Variants in ITPKB observed in about 807,000 individuals in gnomAD.
ITPKB encodes IP3 3-kinase B.
A neutral mutation model predicts 69.4 loss-of-function variants in ITPKB; 13 were observed. The observed-to-expected ratio is 0.19, with a 90% CI of 0.12 to 0.30. The LOEUF (loss-of-function observed/expected upper bound fraction) is 0.30. ITPKB is among the 10% of genes least tolerant of loss of function. The probability of loss-of-function intolerance (pLI) is 1.00; values close to 1 mark genes in which losing one functional copy is unlikely to be tolerated. For missense variants in ITPKB, 1,240 were observed against 1,250.5 expected, an observed-to-expected ratio of 0.99 and a Z score of 0.13; for synonymous variants, 584 against 513.7, an observed-to-expected ratio of 1.14 and a Z score of -1.85.
intron 4 of ITPKB, among the ~76,000 whole-genome samples, chr1:226,646,071 A>G (rs1571837322): frequency 6.6e-6 from 1 of 152,020 alleles, no homozygotes; most frequent in Admixed American, 6.6e-5. Context: ...CTCTTTCTCA[A>G]TCTGCTCTTA....
intron 2 of ITPKB, among the ~76,000 whole-genome samples, chr1:226,715,787 A>G (rs1397153634): frequency 6.6e-6 from 1 of 152,194 alleles, no homozygotes; most frequent in Non-Finnish European, 1.5e-5. Context: ...CCTGATTCAC[A>G]CTGTAATACT....
chr1:226,663,892 A>G (rs1669446322), intron 2 of ITPKB, among the ~76,000 whole-genome samples: 2 of 152,178 alleles, frequency 1.3e-5, no homozygotes, highest in African/African-American at 4.8e-5. Flanking sequence ...TACAGACAGC[A>G]TGGGTTTTCA....
At chr1:226,733,051 C>T (rs1657640153) in intron 2 of ITPKB, among the ~76,000 whole-genome samples, 1 of 152,050 alleles carries the variant, frequency 6.6e-6, no homozygotes, top group Non-Finnish European at 1.5e-5. Context: ...GTCTGAGGGC[C>T]AGGGGTTGGT....
chr1:226,642,102 G>C lies in ITPKB; in HGVS notation c.2270C>G (p.Thr757Arg), dbSNP rs771586213. 1 of 1,613,718 alleles carries C rather than the reference G, an allele frequency of 6.2e-7. No homozygotes were observed. Among genetic ancestry groups the C allele is most frequent in the African/African-American group, 1.3e-5 (1 of 74,922 alleles). Reference protein sequence around the residue: ...GIRTYLEEELTKARKKPSLRK... With the variant: ...GIRTYLEEELRKARKKPSLRK... ...CAGGCTGGGCTTCTTCCGGGCCTTC[G>C]TGAGCTCCTCCTCCAGGTAGGTCCT... The change falls in exon 5 of 8, where the codon ACG becomes AGG. Residue 757 changes from threonine (T) to arginine (R), a missense_variant. Around this residue, in one of 2 missense-constraint regions of ITPKB, gnomAD observed 248 missense variants for 396.7 expected, o/e 0.63. Coordinates refer to ENST00000429204, the MANE Select transcript of ITPKB (RefSeq NM_002221.4). This position sits in a 1 kb window ranked among gnomAD's most constrained non-coding sequence, Gnocchi z 6.4.
At chr1:226,704,430 T>G (rs755087987) in intron 2 of ITPKB, among the ~76,000 whole-genome samples, 5 of 152,188 alleles carry the variant, frequency 3.3e-5, no homozygotes, top group African/African-American at 4.8e-5. Context: ...TAAAAAAGCT[T>G]CTCGTGTGTG....
At chr1:226,722,815 T>C (rs1166533014) in intron 2 of ITPKB, among the ~76,000 whole-genome samples, 1 of 152,112 alleles carries the variant, frequency 6.6e-6, no homozygotes, top group Non-Finnish European at 1.5e-5. Context: ...AACTGCACAT[T>C]CAGAGCCTGG....
chr1:226,686,038 G>C (rs959391907), intron 2 of ITPKB, among the ~76,000 whole-genome samples: 1 of 152,190 alleles, frequency 6.6e-6, no homozygotes, highest in Non-Finnish European at 1.5e-5. Context: ...GCAACCCCAG[G>C]TTAACAAGGC....
chr1:226,721,110 G>A (rs149956101), intron 2 of ITPKB, among the ~76,000 whole-genome samples: 2 of 151,668 alleles, frequency 1.3e-5, no homozygotes, highest in Non-Finnish European at 1.5e-5. Context: ...TTGGGAGGCC[G>A]AGGTGGGTGG....
At chr1:226,718,163 G>A (rs569497195) in intron 2 of ITPKB, among the ~76,000 whole-genome samples, 6 of 152,042 alleles carry the variant, frequency 3.9e-5, no homozygotes, top group Admixed American at 2.6e-4. Context: ...GTGTGGTGGC[G>A]GGCACCTGTA....
At position 226,738,428 on chromosome 1, in the gene ITPKB, C is replaced by T. The variant is rs1257089144; in HGVS notation, c.-206+613G>A. On this transcript the variant is annotated intron_variant, in intron 1 of 7. Transcript: ENST00000429204. This position sits in a 1 kb window ranked among gnomAD's most constrained non-coding sequence, Gnocchi z 4.2. Reference sequence around the variant, plus strand: ...TCTTTACCGGAACCAGTACTTGCTGCCCCCCTGCCGTCGTCCCCTATGGGG... The same window carrying T: ...TCTTTACCGGAACCAGTACTTGCTGTCCCCCTGCCGTCGTCCCCTATGGGG... Among the ~76,000 whole-genome samples, 1 of 151,584 alleles carries T rather than the reference C, an allele frequency of 6.6e-6. No individual in the cohort carries two copies. Among genetic ancestry groups the T allele is most frequent in the Non-Finnish European group, 1.5e-5 (1 of 67,782 alleles).
chr1:226,663,735 G>T (rs549944197), intron 2 of ITPKB, among the ~76,000 whole-genome samples: 1 of 152,254 alleles, frequency 6.6e-6, no homozygotes, highest in African/African-American at 2.4e-5. Flanking sequence ...TGCCCAGGCT[G>T]GTCTTGAAGT....
rs1656644938 is a variant in ITPKB, at chr1:226,701,661, TA to T, written c.1932+33865del. 2.7e-5 allele frequency among the ~76,000 whole-genome samples: 4 copies of T among 148,056 alleles called. No individual in the cohort carries two copies. In the South Asian group the frequency reaches 8.6e-4, roughly 32 times the overall value. On this transcript the variant is annotated intron_variant, in intron 2 of 7. Coordinates refer to ENST00000429204, the MANE Select transcript of ITPKB (RefSeq NM_002221.4). ...ACTTTACCCATTTTCTCCAAGGACT[TA>T]ATCTCTTAAGCTCCACAGAGCCATG... is the stretch of plus-strand genomic sequence containing the variant.
chr1:226,712,891 A>G (rs1657004852), intron 2 of ITPKB, among the ~76,000 whole-genome samples: 1 of 152,096 alleles, frequency 6.6e-6, no homozygotes, highest in Non-Finnish European at 1.5e-5. Context: ...TCAGCAAACC[A>G]CAGGATGGTC....
intron 2 of ITPKB, among the ~76,000 whole-genome samples, chr1:226,701,532 A>G (rs1351241674): frequency 7.6e-6 from 1 of 131,360 alleles, no homozygotes; most frequent in Non-Finnish European, 1.6e-5. Context: ...TGAACCCAAG[A>G]GGCGGAGCTT....
chr1:226,736,313 C>T lies in ITPKB; in HGVS notation c.1146G>A (p.Pro382=). 1.9e-6 allele frequency: 3 copies of T among 1,610,018 alleles called. No individual in the cohort carries two copies. The highest frequency in any genetic ancestry group is 1.1e-5 in the South Asian group (1 of 90,662). ...TGCCCACTTCAGGCTCCCCAGAGCC[C>T]GGCATGCCACAGGGCAGATATCCTT... ...MGKGYLPCGM[P]GSGEPEVGKR... Residue 382 remains proline (P), a synonymous_variant, in exon 2 of 8, where the codon CCG becomes CCA. Transcript: ENST00000429204.
At position 226,736,826 on chromosome 1, in the gene ITPKB, C is replaced by T. The variant is rs570710738; in HGVS notation, c.633G>A (p.Glu211=). ...RTKSWGEQCP[E]TSGTDSGRKG... ...TCCTCCCGGAGTCGGTTCCTGAAGT[C>T]TCTGGACATTGCTCCCCCCAGGACT... The change falls in exon 2 of 8, where the codon GAG becomes GAA. Residue 211 remains glutamate, a synonymous_variant. Coordinates refer to ENST00000429204, the MANE Select transcript of ITPKB (RefSeq NM_002221.4). The T allele has an allele frequency of 2.0e-5, 32 of 1,612,854 alleles. No individual in the cohort carries two copies. The South Asian group carries it at 3.0e-4, about 15-fold the overall frequency.
intron 2 of ITPKB, among the ~76,000 whole-genome samples, chr1:226,704,067 T>A (rs2102632618): frequency 6.6e-6 from 1 of 152,366 alleles, no homozygotes; most frequent in Non-Finnish European, 1.5e-5. Context: ...GCTTTTATTT[T>A]CCTAGATCTC....
chr1:226,735,720 C>G lies in ITPKB; in HGVS notation c.1739G>C (p.Gly580Ala), dbSNP rs1357512835. ...IITDMGTQEDGALEETQGSPR... is the reference protein window; with the variant it reads ...IITDMGTQEDAALEETQGSPR... Reference sequence around the variant, plus strand: ...GCTTCCCTGCGTCTCCTCCAAGGCCCCATCCTCCTGGGTGCCCATGTCTGT... The same window carrying G: ...GCTTCCCTGCGTCTCCTCCAAGGCCGCATCCTCCTGGGTGCCCATGTCTGT... Residue 580 changes from glycine to alanine, a missense_variant, in exon 2 of 8, where the codon GGG (glycine) becomes GCG (alanine). By Grantham distance (60) the Gly-to-Ala change is moderately conservative. Transcript: ENST00000429204. The G allele has an allele frequency of 6.3e-7, 1 of 1,587,256 alleles. No homozygotes were observed. The highest frequency in any genetic ancestry group is 8.6e-7 in the Non-Finnish European group (1 of 1,164,280).
chr1:226,651,085 G>A (rs1408659085), intron 2 of ITPKB, among the ~76,000 whole-genome samples: 3 of 152,232 alleles, frequency 2.0e-5, no homozygotes, highest in Non-Finnish European at 4.4e-5. Context: ...GAAGGAGGGA[G>A]CTTACGGAGG....
Sources: gnomAD v4.1 joint callset for allele counts (sites outside exome capture counted in the v4.1 genomes callset) on GRCh38, gnomAD v4.1.1 for gene constraint, gnomAD v4.1.1 regional missense constraint, Gnocchi (gnomAD v3.1) non-coding constraint, MANE v1.5 for transcripts, NCBI Gene and HGNC (gene_info 2026-07-23, HGNC 2026-07-21) for gene names.